HORMAD2: variants seen among roughly 807,000 people sequenced by gnomAD.
The protein encoded by HORMAD2 is HORMA domain-containing protein 2.
In HORMAD2, 45 loss-of-function variants were observed where a neutral mutation model predicts 38.8. That is an observed-to-expected ratio of 1.16 (90% CI 0.91 to 1.49). The LOEUF (loss-of-function observed/expected upper bound fraction) is 1.49, where lower values mean the gene tolerates loss of function less well. HORMAD2 is among the 40% of genes most tolerant of loss of function. The probability of loss-of-function intolerance (pLI) is 0.00; values close to 1 mark genes in which losing one functional copy is unlikely to be tolerated. For missense variants in HORMAD2, 338 were observed against 367.0 expected (o/e 0.92, Z 0.65); for synonymous variants, 126 against 122.8 (o/e 1.03, Z -0.17).
intron 10 of HORMAD2, among the ~76,000 whole-genome samples, chr22:30,127,485 G>A (rs1922966122): frequency 6.6e-6 from 1 of 152,134 alleles, no homozygotes; most frequent in Non-Finnish European, 1.5e-5. Flanking sequence ...GGGATTACAG[G>A]TGTGAACCAC....
intron 10 of HORMAD2, among the ~76,000 whole-genome samples, chr22:30,150,367 G>A (rs1317671114): frequency 6.6e-6 from 1 of 151,674 alleles, no homozygotes; most frequent in Non-Finnish European, 1.5e-5. Flanking sequence ...CCTTTTTATG[G>A]CATCCTGTTC....
At chr22:30,144,310 CTCTCAGTTA>C (rs1458012130) in intron 10 of HORMAD2, among the ~76,000 whole-genome samples, 3 of 152,206 alleles carry the variant, frequency 2.0e-5, no homozygotes, top group Non-Finnish European at 4.4e-5. Context: ...AGGAGGACTT[CTCTCAGTTA>C]TCTATTTCCT....
At chr22:30,179,877 A>T (rs977550646), downstream of HORMAD2, among the ~76,000 whole-genome samples, 2 of 152,024 alleles carry the variant, frequency 1.3e-5, no homozygotes, top group African/African-American at 4.8e-5. Flanking sequence ...AAAGTAGTAA[A>T]GTCTCATTAA....
At chr22:30,124,310 C>T (rs572584310) in intron 10 of HORMAD2, among the ~76,000 whole-genome samples, 2 of 150,332 alleles carry the variant, frequency 1.3e-5, no homozygotes, top group African/African-American at 2.5e-5. Flanking sequence ...CATGTGTATA[C>T]ATATGTAGAA....
chr22:30,175,935 A>G (rs1054307352), intron 10 of HORMAD2, 128 bp from the exon 11 acceptor site: 4 of 620,604 alleles, frequency 6.4e-6, no homozygotes, highest in Non-Finnish European at 1.1e-5. Flanking sequence ...AAACCAGCCC[A>G]CAGGAAAGCA....
chr22:30,156,225 GA>G (rs2146207127), intron 10 of HORMAD2, among the ~76,000 whole-genome samples: 1 of 152,304 alleles, frequency 6.6e-6, no homozygotes, highest in East Asian at 1.9e-4. Context: ...CAAGAATTGG[GA>G]AAAGGAAGAA....
chr22:30,168,694 G>T (rs1925931071), intron 10 of HORMAD2, among the ~76,000 whole-genome samples: 1 of 152,102 alleles, frequency 6.6e-6, no homozygotes, highest in Non-Finnish European at 1.5e-5. Context: ...GTAGGGCTCA[G>T]GTTCAGGCAC....
intron 10 of HORMAD2, among the ~76,000 whole-genome samples, chr22:30,145,852 A>G (rs1156633556): frequency 6.6e-6 from 1 of 152,210 alleles, no homozygotes; most frequent in African/African-American, 2.4e-5. Context: ...CTTTAAGAAT[A>G]TAGAGGAGAA....
At chr22:30,171,917 T>G (rs1601598329) in intron 10 of HORMAD2, among the ~76,000 whole-genome samples, 2 of 152,086 alleles carry the variant, frequency 1.3e-5, no homozygotes, top group Admixed American at 1.3e-4. Context: ...AGGTTTAGAA[T>G]CAAGAGGAAG....
At chr22:30,115,152 G>C (rs1215432026) in intron 7 of HORMAD2, among the ~76,000 whole-genome samples, 2 of 151,920 alleles carry the variant, frequency 1.3e-5, no homozygotes, top group East Asian at 3.9e-4. Context: ...TAAGAGACAG[G>C]CTCTCCCTCC....
chr22:30,188,007 C>T, the HORMAD2 span, among the ~76,000 whole-genome samples: 2 of 151,942 alleles, frequency 1.3e-5, no homozygotes, highest in African/African-American at 4.8e-5. Flanking sequence ...TGTACCTTGG[C>T]ATGGCTGCTT....
At chr22:30,195,964 G>A in the HORMAD2 span, among the ~76,000 whole-genome samples, 27 of 152,332 alleles carry the variant, frequency 1.8e-4, no homozygotes, top group Middle Eastern at 3.4e-3. Context: ...TTTCACATTT[G>A]TCTTGGGATG....
At chr22:30,140,352 G>A (rs946602282) in intron 10 of HORMAD2, among the ~76,000 whole-genome samples, 2 of 152,206 alleles carry the variant, frequency 1.3e-5, no homozygotes, top group African/African-American at 4.8e-5. Context: ...AGTTTGTGAA[G>A]AGTTAGTATT....
intron 1 of HORMAD2, among the ~76,000 whole-genome samples, chr22:30,093,313 T>C (rs779494165): frequency 6.6e-6 from 1 of 152,160 alleles, no homozygotes; most frequent in African/African-American, 2.4e-5. Context: ...TTAATGGGTA[T>C]GAAGTATAAA....
At chr22:30,192,968 G>T in the HORMAD2 span, among the ~76,000 whole-genome samples, 2 of 152,124 alleles carry the variant, frequency 1.3e-5, no homozygotes, top group Non-Finnish European at 2.9e-5. Context: ...AGGCACACAG[G>T]ATACCTTATC....
the HORMAD2 span, among the ~76,000 whole-genome samples, chr22:30,205,897 G>A: frequency 1.3e-5 from 2 of 152,092 alleles, no homozygotes; most frequent in African/African-American, 4.8e-5. Context: ...CCAAAGCAGG[G>A]CAGGGACATT....
chr22:30,143,511 C>T (rs1924221990), intron 10 of HORMAD2, among the ~76,000 whole-genome samples: 1 of 152,028 alleles, frequency 6.6e-6, no homozygotes, highest in Non-Finnish European at 1.5e-5. Flanking sequence ...CTCACTGGCC[C>T]CCATTGTTCC....
intron 10 of HORMAD2, among the ~76,000 whole-genome samples, chr22:30,158,619 C>A (rs964602813): frequency 9.9e-6 from 1 of 100,880 alleles, no homozygotes; most frequent in African/African-American, 3.6e-5. Flanking sequence ...CCGTCCCTCC[C>A]TCCCTCCCTT....
At chr22:30,101,036 G>A (rs1176566597) in intron 3 of HORMAD2, among the ~76,000 whole-genome samples, 1 of 152,136 alleles carries the variant, frequency 6.6e-6, no homozygotes, top group African/African-American at 2.4e-5. Flanking sequence ...AATTCCTCAA[G>A]GATATAGAAC....
Sources: gnomAD v4.1 joint callset for allele counts (sites outside exome capture counted in the v4.1 genomes callset) on GRCh38, gnomAD v4.1.1 for gene constraint, MANE v1.5 for transcripts, NCBI Gene and HGNC (gene_info 2026-07-23, HGNC 2026-07-21) for gene names.